RBFOX1: variants seen among roughly 807,000 people sequenced by gnomAD.
The protein encoded by RBFOX1 is RNA binding protein fox-1 homolog 1.
In RBFOX1, 8 loss-of-function variants were observed where a neutral mutation model predicts 57.7. That is an observed-to-expected ratio of 0.14 (90% CI 0.08 to 0.25). RBFOX1 has a LOEUF of 0.25. Among genes scored for constraint, RBFOX1 ranks in the 10% least tolerant of loss-of-function variants. The probability of loss-of-function intolerance (pLI) is 1.00; values close to 1 mark genes in which losing one functional copy is unlikely to be tolerated. For synonymous variants in RBFOX1, 326 were observed against 222.4 expected, an observed-to-expected ratio of 1.47 and a Z score of -4.15; for missense variants, 611 against 548.5, an observed-to-expected ratio of 1.11 and a Z score of -1.14.
chr16:5,267,654 CCA>C (rs1474755817), intron 1 of RBFOX1, among the ~76,000 whole-genome samples: 1 of 152,186 alleles, frequency 6.6e-6, no homozygotes, highest in African/African-American at 2.4e-5. Context: ...AGGAATTTGG[CCA>C]CAGTCTCTGG....
intron 4 of RBFOX1, among the ~76,000 whole-genome samples, chr16:7,154,522 A>G (rs115232792): frequency 1.4e-3 from 216 of 152,314 alleles, no homozygotes; most frequent in African/African-American, 4.9e-3. Context: ...CAAGGCAGCC[A>G]TTTTTGCAGG....
intron 3 of RBFOX1, among the ~76,000 whole-genome samples, chr16:5,654,645 C>T (rs1013652218): frequency 6.6e-6 from 1 of 152,194 alleles, no homozygotes; most frequent in African/African-American, 2.4e-5. Context: ...AGCCCTTTCG[C>T]ATCTCATTCA....
Position 6,543,516 on chromosome 16 carries a change from G to C in RBFOX1, c.-63-111087G>C, listed in dbSNP as rs569668429. On this transcript the variant is annotated intron_variant, in intron 2 of 15. Transcript: ENST00000550418. ...CTTGTTCCCTCTCTGAGATCTTTCCGCCTGCATTTTGGGCTTTGCGCTTTT... is the reference window on the plus strand; with the variant it reads ...CTTGTTCCCTCTCTGAGATCTTTCCCCCTGCATTTTGGGCTTTGCGCTTTT... Among the ~76,000 whole-genome samples the C allele has an allele frequency of 3.9e-5, 6 of 152,162 alleles. No homozygotes were observed. In the East Asian group the frequency reaches 1.2e-3, roughly 29 times the overall value.
intron 4 of RBFOX1, among the ~76,000 whole-genome samples, chr16:7,090,391 A>G (rs2060629569): frequency 6.6e-6 from 1 of 152,160 alleles, no homozygotes; most frequent in Admixed American, 6.5e-5. Flanking sequence ...TAGATGGTAT[A>G]GTCTCCCTTC....
intron 1 of RBFOX1, among the ~76,000 whole-genome samples, chr16:6,289,608 C>G (rs750103888): frequency 2.6e-5 from 4 of 152,080 alleles, no homozygotes; most frequent in Non-Finnish European, 4.4e-5. Flanking sequence ...TCTAGCTGTC[C>G]AATATCTGTT....
intron 3 of RBFOX1, among the ~76,000 whole-genome samples, chr16:5,836,138 A>G (rs186309648): frequency 1.3e-5 from 2 of 152,254 alleles, no homozygotes; most frequent in East Asian, 1.9e-4. Flanking sequence ...TGAGCCGGGG[A>G]GGGCAGCTCC....
chr16:7,125,846 G>T (rs2068382930), intron 4 of RBFOX1, among the ~76,000 whole-genome samples: 1 of 152,162 alleles, frequency 6.6e-6, no homozygotes. Flanking sequence ...ACTTTGGGAG[G>T]CTGCGGTGGG....
intron 3 of RBFOX1, among the ~76,000 whole-genome samples, chr16:6,903,590 A>G (rs1460964706): frequency 1.3e-5 from 2 of 152,108 alleles, no homozygotes; most frequent in Admixed American, 1.3e-4. Flanking sequence ...TATCCCAGAA[A>G]CTGGTGGGGA....
At chr16:6,987,956 G>A (rs1287783924) in intron 3 of RBFOX1, among the ~76,000 whole-genome samples, 1 of 151,908 alleles carries the variant, frequency 6.6e-6, no homozygotes, top group African/African-American at 2.4e-5. Context: ...TTTACTAAGT[G>A]CCAGCTAGGC....
intron 2 of RBFOX1, among the ~76,000 whole-genome samples, chr16:6,554,138 G>A (rs553653784): frequency 6.6e-6 from 1 of 152,260 alleles, no homozygotes; most frequent in African/African-American, 2.4e-5. Flanking sequence ...ATTAGAAATT[G>A]GCAAAATGGG....
chr16:7,056,934 C>G (rs560886255), intron 4 of RBFOX1, among the ~76,000 whole-genome samples: 2 of 151,676 alleles, frequency 1.3e-5, no homozygotes, highest in African/African-American at 2.4e-5. Context: ...CTAAATGCTC[C>G]TTAGTGTCTC....
intron 2 of RBFOX1, among the ~76,000 whole-genome samples, chr16:6,318,510 G>A (rs1442161791): frequency 6.6e-6 from 1 of 152,094 alleles, no homozygotes; most frequent in East Asian, 1.9e-4. Flanking sequence ...AGGGATGGAG[G>A]ACATAAGGTT....
At chr16:6,885,882 C>G (rs1193982162) in intron 3 of RBFOX1, among the ~76,000 whole-genome samples, 2 of 152,118 alleles carry the variant, frequency 1.3e-5, no homozygotes, top group African/African-American at 2.4e-5. Context: ...ATACTGTTTA[C>G]TCAATGCAGC....
chr16:5,312,244 A>G (rs568741213), intron 1 of RBFOX1, among the ~76,000 whole-genome samples: 1 of 152,230 alleles, frequency 6.6e-6, no homozygotes, highest in Admixed American at 6.5e-5. Flanking sequence ...AACTGAGAAC[A>G]TGTAGGGAGG....
chr16:7,708,947 G>A lies in RBFOX1; in HGVS notation c.996-109G>A, dbSNP rs563953581. The A allele has an allele frequency of 2.4e-5, 23 of 961,956 alleles. No homozygotes were observed. In the African/African-American group the frequency reaches 3.2e-4, roughly 13 times the overall value. 59.6% of individuals were successfully genotyped at this position (961,956 alleles called of 1,614,324 possible). On this transcript the variant is annotated intron_variant, in intron 14 of 15. Coordinates refer to ENST00000550418, the MANE Select transcript of RBFOX1 (RefSeq NM_018723.4). The stretch of plus-strand genomic sequence containing the variant: ...GCAGAGTAGAATTTGCTTCTCACTG[G>A]AAGATGAGTAGGGCCCCTGCATACT...
intron 1 of RBFOX1, among the ~76,000 whole-genome samples, chr16:6,020,715 G>A (rs2095056001): frequency 6.6e-6 from 1 of 152,070 alleles, no homozygotes. Context: ...GGGCTTGTCA[G>A]CTCCAATCAA....
At chr16:5,390,220 A>T (rs1465221994) in intron 1 of RBFOX1, among the ~76,000 whole-genome samples, 1 of 151,752 alleles carries the variant, frequency 6.6e-6, no homozygotes, top group Non-Finnish European at 1.5e-5. Context: ...TGTTTATATG[A>T]TATGCTATTT....
intron 3 of RBFOX1, among the ~76,000 whole-genome samples, chr16:6,722,504 G>A (rs1161324972): frequency 7.6e-6 from 1 of 132,012 alleles, no homozygotes; most frequent in African/African-American, 2.7e-5. Context: ...TATTTACCAT[G>A]TAGATAAATA....
intron 3 of RBFOX1, among the ~76,000 whole-genome samples, chr16:5,860,870 G>C (rs1050211063): frequency 5.9e-5 from 9 of 152,172 alleles, no homozygotes; most frequent in Non-Finnish European, 4.4e-5. Flanking sequence ...CATCTTTGAT[G>C]GTCGTTCTTC....
Sources: allele counts gnomAD v4.1 joint callset (sites outside exome capture counted in the v4.1 genomes callset), GRCh38; gene constraint gnomAD v4.1.1; transcripts MANE v1.5; gene names NCBI Gene and HGNC (gene_info 2026-07-23, HGNC 2026-07-21).